CADPS: variants seen among roughly 807,000 people sequenced by gnomAD.
The protein encoded by CADPS is calcium dependent secretion activator.
A neutral mutation model predicts 167.3 loss-of-function variants in CADPS; 57 were observed. The ratio of observed to expected loss-of-function variants is 0.34; its 90% CI spans 0.28 to 0.42. CADPS has a LOEUF of 0.42. Among genes scored for constraint, CADPS ranks in the 20% least tolerant of loss-of-function variants. CADPS has a pLI of 1.00. For synonymous variants in CADPS, 676 were observed against 635.3 expected, an observed-to-expected ratio of 1.06 and a Z score of -0.96; for missense variants, 1,414 against 1,738.1, an observed-to-expected ratio of 0.81 and a Z score of 3.32.
rs79885636 is a variant in CADPS, at chr3:62,407,135, ACAT to A, written c.3778-3953_3778-3951del. On this transcript the variant is annotated intron_variant, in intron 28 of 29. Coordinates refer to ENST00000383710, the MANE Select transcript of CADPS (RefSeq NM_003716.4). ...ACCACCACCTCCACCACTGCAATCAACATCATCATCATCATCATCATCATCATC... is the reference window on the plus strand; with the variant it reads ...ACCACCACCTCCACCACTGCAATCAACATCATCATCATCATCATCATCATC... 7.5e-4 allele frequency among the ~76,000 whole-genome samples: 113 copies of A among 151,214 alleles called. 2 individuals carry two copies. The highest frequency in any genetic ancestry group is 4.3e-3 in the East Asian group (22 of 5,114).
chr3:62,451,694 T>G (rs1465583503), intron 26 of CADPS, among the ~76,000 whole-genome samples: 3 of 152,108 alleles, frequency 2.0e-5, no homozygotes, highest in Non-Finnish European at 4.4e-5. Context: ...TCACAAGAGC[T>G]CTGAGTTAAT....
At position 62,753,662 on chromosome 3, in the gene CADPS, G is replaced by T; in HGVS notation, c.667C>A (p.Pro223Thr). ...KHIEKRVRSL[P>T]EIDGLSKETV... is the part of the protein sequence containing the mutation. ...TCCTTGCTGAGGCCGTCAATCTCAG[G>T]CAGGCTGCGCACTCTCTTCTCAATG... The change falls in exon 3 of 30, where the codon CCT becomes ACT. Residue 223 changes from proline to threonine, a missense_variant. Coordinates refer to ENST00000383710, the MANE Select transcript of CADPS (RefSeq NM_003716.4). This position sits in a 1 kb window ranked among gnomAD's most constrained non-coding sequence, Gnocchi z 4.6. 1 of 1,614,172 alleles carries T rather than the reference G, an allele frequency of 6.2e-7. No individual in the cohort carries two copies. The highest frequency in any genetic ancestry group is 8.5e-7 in the Non-Finnish European group (1 of 1,180,032).
At chr3:62,732,968 A>G (rs575537037) in intron 3 of CADPS, among the ~76,000 whole-genome samples, 16 of 152,296 alleles carry the variant, frequency 1.1e-4, no homozygotes, top group Admixed American at 9.8e-4. Flanking sequence ...CCAGTGCAAG[A>G]CTATTTTGAC....
At chr3:62,858,186 C>A (rs939578957) in intron 1 of CADPS, among the ~76,000 whole-genome samples, 1 of 152,170 alleles carries the variant, frequency 6.6e-6, no homozygotes, top group Non-Finnish European at 1.5e-5. Flanking sequence ...GGCTCCAGAT[C>A]TGGCTTAATG....
chr3:62,659,910 G>A (rs9833297), intron 4 of CADPS, among the ~76,000 whole-genome samples: 1 of 151,980 alleles, frequency 6.6e-6, no homozygotes, highest in African/African-American at 2.4e-5. Context: ...CAATACCCTA[G>A]ACAGGGACCC....
intron 28 of CADPS, 83 bp from the exon 29 acceptor site, chr3:62,403,268 C>A (rs1318015919): frequency 3.4e-6 from 3 of 871,718 alleles, no homozygotes; most frequent in African/African-American, 1.7e-5. Context: ...TGTTTGAGTA[C>A]CCCACTCTGT....
intron 1 of CADPS, among the ~76,000 whole-genome samples, chr3:62,811,615 C>A (rs1309685547): frequency 1.3e-5 from 2 of 152,222 alleles, no homozygotes; most frequent in Admixed American, 6.5e-5. Context: ...GCAGTTACTT[C>A]TCTTCCTTCT....
intron 6 of CADPS, among the ~76,000 whole-genome samples, chr3:62,643,875 C>T (rs556110565): frequency 2.5e-3 from 385 of 152,218 alleles, no homozygotes; most frequent in Middle Eastern, 0.017. Context: ...GCATGGAAAA[C>T]GATCAGACCA....
intron 3 of CADPS, among the ~76,000 whole-genome samples, chr3:62,693,171 GA>G (rs1304339688): frequency 6.6e-6 from 1 of 151,958 alleles, no homozygotes; most frequent in Non-Finnish European, 1.5e-5. Flanking sequence ...CACTTTCTTA[GA>G]GGGGTCCTCC....
intron 10 of CADPS, among the ~76,000 whole-genome samples, chr3:62,552,582 C>T (rs1562046992): frequency 6.6e-6 from 1 of 152,204 alleles, no homozygotes; most frequent in Non-Finnish European, 1.5e-5. Flanking sequence ...GAGTTATTAG[C>T]ATCCCCAAAT....
chr3:62,522,808 CTTTTA>C (rs1180322146), intron 13 of CADPS, among the ~76,000 whole-genome samples: 1 of 152,100 alleles, frequency 6.6e-6, no homozygotes, highest in Non-Finnish European at 1.5e-5. Flanking sequence ...CAACTCGCTT[CTTTTA>C]TATCATGATC....
intron 6 of CADPS, among the ~76,000 whole-genome samples, chr3:62,603,565 T>C (rs139229222): frequency 6.6e-6 from 1 of 152,304 alleles, no homozygotes; most frequent in Non-Finnish European, 1.5e-5. Flanking sequence ...CTTGGCCAAG[T>C]CATTGGCAGA....
intron 6 of CADPS, among the ~76,000 whole-genome samples, chr3:62,633,774 A>G (rs545560732): frequency 6.0e-4 from 92 of 152,192 alleles, no homozygotes; most frequent in Admixed American, 3.0e-3. Flanking sequence ...TTTTGGCTGA[A>G]TGCTAAATGG....
At position 62,497,192 on chromosome 3, in the gene CADPS, G is replaced by A. The variant is rs150628799; in HGVS notation, c.2706+1970C>T. 3.1e-3 allele frequency among the ~76,000 whole-genome samples: 467 copies of A among 152,236 alleles called. 4 individuals carry two copies. The highest frequency in any genetic ancestry group is 0.011 in the African/African-American group (451 of 41,544). ...AGCCCTCCTTTGGTGTTTCTTTTGA[G>A]CAATTTAGAAAAATATACATCCTTT... On this transcript the variant is annotated intron_variant, in intron 18 of 29. Transcript: ENST00000383710.
chr3:62,574,462 G>A (rs531297819), intron 8 of CADPS, among the ~76,000 whole-genome samples: 3 of 152,288 alleles, frequency 2.0e-5, no homozygotes, highest in Non-Finnish European at 2.9e-5. Context: ...CCAAAGCTGA[G>A]CCAGGGAGCA....
At position 62,875,176 on chromosome 3, in the gene CADPS, G is replaced by T; in HGVS notation, c.-147C>A. Reference sequence around the variant, plus strand: ...AGAGCGCTGCTGCTCAGCCTCGGCCGCCGCGACTGATCCTCTGCCCGGCGG... The same window carrying T: ...AGAGCGCTGCTGCTCAGCCTCGGCCTCCGCGACTGATCCTCTGCCCGGCGG... On this transcript the variant is annotated 5_prime_UTR_variant, in exon 1 of 30. Transcript: ENST00000383710. The T allele has an allele frequency of 9.3e-7, 1 of 1,078,276 alleles. No individual in the cohort carries two copies. The highest frequency in any genetic ancestry group is 1.2e-6 in the Non-Finnish European group (1 of 840,416). 66.8% of individuals were successfully genotyped at this position (1,078,276 alleles called of 1,614,324 possible).
At chr3:62,531,360 A>G (rs530936871) in intron 13 of CADPS, among the ~76,000 whole-genome samples, 7 of 152,294 alleles carry the variant, frequency 4.6e-5, no homozygotes, top group Admixed American at 4.6e-4. Flanking sequence ...AGTATCTTTT[A>G]TGCAAATAAA....
chr3:62,438,330 C>G lies in CADPS; in HGVS notation c.3670-119G>C. ...CCCTGAGATGCTTCTGCTGGATCAG[C>G]TTTGTAGGCATGGGATTGCTGTCCA... is the stretch of plus-strand genomic sequence containing the variant. On this transcript the variant is annotated intron_variant, in intron 27 of 29. Transcript: ENST00000383710. This position sits in a 1 kb window ranked among gnomAD's most constrained non-coding sequence, Gnocchi z 4.7. 1 of 701,708 alleles carries G rather than the reference C, an allele frequency of 1.4e-6. No homozygotes were observed. The highest frequency in any genetic ancestry group is 1.8e-5 in the South Asian group (1 of 56,590). The allele number at this position is 701,708 out of a possible 1,614,324, so 43.5% of individuals were successfully genotyped here.
intron 3 of CADPS, among the ~76,000 whole-genome samples, chr3:62,752,990 C>A (rs757017074): frequency 4.6e-5 from 7 of 152,190 alleles, no homozygotes; most frequent in African/African-American, 1.7e-4. Flanking sequence ...ATACAGGTAT[C>A]GGGCCTTTTG....
Sources: allele counts gnomAD v4.1 joint callset (sites outside exome capture counted in the v4.1 genomes callset), GRCh38; gene constraint gnomAD v4.1.1; non-coding constraint Gnocchi (gnomAD v3.1); transcripts MANE v1.5; gene names NCBI Gene and HGNC (gene_info 2026-07-23, HGNC 2026-07-21).